Variants in DNMT3A observed in about 807,000 individuals in gnomAD.
DNMT3A encodes DNA methyltransferase 3 alpha, also known as DNA (cytosine-5)-methyltransferase 3A.
DNMT3A carries 267 observed loss-of-function variants against 117.6 expected under a neutral mutation model. The ratio of observed to expected loss-of-function variants is 2.27; its 90% confidence interval spans 2.05 to 2.51. The LOEUF is 2.51. DNMT3A is among the 30% of genes most tolerant of loss of function. The pLI is 0.00. For synonymous variants in DNMT3A, 432 were observed against 474.8 expected, an observed-to-expected ratio of 0.91 and a Z score of 1.17; for missense variants, 1,029 against 1,260.2, an observed-to-expected ratio of 0.82 and a Z score of 2.78.
intron 3 of DNMT3A, among the ~76,000 whole-genome samples, chr2:25,289,954 T>C (rs568813487): frequency 1.8e-4 from 28 of 152,242 alleles, no homozygotes; most frequent in African/African-American, 6.3e-4. Context: ...ACTCCCAATA[T>C]GGGGAGGTGA....
rs770079872 is a variant in DNMT3A at position 25,236,937 on chromosome 2, T to G, written c.2477A>C (p.Lys826Thr). ...GAGGTTCTAGACGCTGGAGCTGACC[T>G]TGGCTATCCTGCCATGCTCCAGACA... ...QECLEHGRIAKFSKVRTITTR... is the reference protein window; with the variant it reads ...QECLEHGRIATFSKVRTITTR... The change falls in exon 21 of 23, where the codon AAG (lysine) becomes ACG (threonine). Residue 826 changes from lysine (K) to threonine (T), a missense_variant and splice_region_variant. Lys to Thr is a moderately conservative substitution (Grantham distance 78). Coordinates refer to ENST00000321117, the MANE Select transcript of DNMT3A (RefSeq NM_022552.5). The surrounding 1 kb of genome is among the most constrained non-coding windows in gnomAD (Gnocchi z 4.5). 1 of 1,612,850 alleles carries G rather than the reference T, an allele frequency of 6.2e-7. No homozygotes were observed. Among genetic ancestry groups the G allele is most frequent in the Admixed American group, 1.7e-5 (1 of 59,846 alleles).
intron 6 of DNMT3A, among the ~76,000 whole-genome samples, chr2:25,270,881 G>A (rs1210266620): frequency 4.6e-5 from 7 of 152,318 alleles, no homozygotes; most frequent in South Asian, 4.1e-4. Flanking sequence ...AAAATTAGCC[G>A]GGTGTGGTGG....
intron 2 of DNMT3A, among the ~76,000 whole-genome samples, chr2:25,308,865 T>G (rs1573471634): frequency 6.6e-6 from 1 of 150,698 alleles, no homozygotes; most frequent in Non-Finnish European, 1.5e-5. Context: ...CAGACCAGAG[T>G]GGAGAGAGCC....
chr2:25,322,663 T>G (rs1573495613), intron 1 of DNMT3A, among the ~76,000 whole-genome samples: 2 of 112,550 alleles, frequency 1.8e-5, no homozygotes, highest in Admixed American at 9.9e-5. Flanking sequence ...CCGCCCCCAC[T>G]TCCTCACCAA....
At chr2:25,333,326 G>A (rs1047335008) in intron 1 of DNMT3A, among the ~76,000 whole-genome samples, 3 of 150,980 alleles carry the variant, frequency 2.0e-5, no homozygotes, top group South Asian at 2.1e-4. Context: ...ACACTTGCAG[G>A]TCTTTTTTTT....
intron 6 of DNMT3A, among the ~76,000 whole-genome samples, chr2:25,260,062 G>A (rs557000172): frequency 2.0e-5 from 3 of 152,246 alleles, no homozygotes; most frequent in Admixed American, 6.5e-5. Context: ...TCAATTACCC[G>A]GAGAGCTTGG....
At chr2:25,278,737 A>T (rs2031658545) in intron 4 of DNMT3A, among the ~76,000 whole-genome samples, 1 of 152,166 alleles carries the variant, frequency 6.6e-6, no homozygotes. Flanking sequence ...GAGGCAGGAG[A>T]ATCGCTTCAA....
In DNMT3A at chr2:25,246,235, G is replaced by A; in HGVS notation, c.1354C>T (p.Pro452Ser). Residue 452 changes from proline to serine, a missense_variant, in exon 11 of 23, where the codon CCA becomes TCA. Transcript: ENST00000321117. ...CTCTTCCGGGGCTTTTTGGCTGGTGGAGGTGGTGCGTAGGCAGCTGCCTCA... is the reference window on the plus strand; with the variant it reads ...CTCTTCCGGGGCTTTTTGGCTGGTGAAGGTGGTGCGTAGGCAGCTGCCTCA... ...EPEAAAYAPP[P>S]PAKKPRKSTA... 1 of 1,614,184 alleles carries A rather than the reference G, an allele frequency of 6.2e-7. No homozygotes were observed. The highest frequency in any genetic ancestry group is 8.5e-7 in the Non-Finnish European group (1 of 1,180,030).
rs1672951737 is a variant in DNMT3A at position 25,233,006 on chromosome 2, G to C, written c.*1273C>G. 1 of 233,184 alleles carries C rather than the reference G, an allele frequency of 4.3e-6. No homozygotes were observed. Among genetic ancestry groups the C allele is most frequent in the Admixed American group, 5.6e-5 (1 of 17,764 alleles). The allele number at this position is 233,184 out of a possible 1,614,324, so 14.4% of individuals were successfully genotyped here. On this transcript the variant is annotated 3_prime_UTR_variant, in exon 23 of 23. Transcript: ENST00000321117. The stretch of plus-strand genomic sequence containing the variant: ...TTTGTATGTTTTTTTATTTGCTCCA[G>C]GTGGGGTTTTGACTGTCACTTTCCC...
At position 25,314,027 on chromosome 2, in the gene DNMT3A, G is replaced by A. The variant is rs1420123831; in HGVS notation, c.-43C>T. 3.3e-6 allele frequency: 5 copies of A among 1,493,586 alleles called. No homozygotes were observed. Among genetic ancestry groups the A allele is most frequent in the South Asian group, 1.3e-5 (1 of 76,402 alleles). The allele number at this position is 1,493,586 out of a possible 1,614,324, so 92.5% of individuals were successfully genotyped here. A position where few individuals can be genotyped will look rare whatever the true frequency, so the allele number is the denominator to read the frequency against. On this transcript the variant is annotated 5_prime_UTR_variant, in exon 2 of 23. Transcript: ENST00000321117. ...GGCTGGGGCTGCGCGGGGCTGGGGGGCTGCTGGGCTTTGGGGAAGGAATTA... is the reference window on the plus strand; with the variant it reads ...GGCTGGGGCTGCGCGGGGCTGGGGGACTGCTGGGCTTTGGGGAAGGAATTA...
intron 6 of DNMT3A, among the ~76,000 whole-genome samples, chr2:25,250,535 C>T (rs1023632032): frequency 7.2e-5 from 11 of 152,202 alleles, no homozygotes; most frequent in African/African-American, 2.2e-4. Flanking sequence ...CAGAACTCTG[C>T]CCTCCCCTTC....
rs1372476995 is a variant in DNMT3A at position 25,298,940 on chromosome 2, C to G, written c.177+1199G>C. Among the ~76,000 whole-genome samples, 4 of 150,904 alleles carry G rather than the reference C, an allele frequency of 2.7e-5. 1 individual carries two copies. The highest frequency in any genetic ancestry group is 5.9e-5 in the Non-Finnish European group (4 of 67,604). On this transcript the variant is annotated intron_variant, in intron 3 of 22. Transcript: ENST00000321117. The surrounding 1 kb of genome is among the most constrained non-coding windows in gnomAD (Gnocchi z 4.3). Reference sequence around the variant, plus strand: ...CCCCCACCTCCAGGAACTCACCACCCCCCCCGCCTCTACTGTCCCATTTCA... The same window carrying G: ...CCCCCACCTCCAGGAACTCACCACCGCCCCCGCCTCTACTGTCCCATTTCA...
intron 6 of DNMT3A, among the ~76,000 whole-genome samples, chr2:25,262,201 A>C (rs997173004): frequency 6.6e-6 from 1 of 151,470 alleles, no homozygotes; most frequent in Admixed American, 6.6e-5. Flanking sequence ...AAAAAAAAAA[A>C]AAAAAAACCT....
chr2:25,340,713 GC>G (rs2035388060), intron 1 of DNMT3A, among the ~76,000 whole-genome samples: 2 of 151,998 alleles, frequency 1.3e-5, no homozygotes, highest in Non-Finnish European at 2.9e-5. Context: ...GTCTGCACCG[GC>G]CCGGCGGGGT....
intron 6 of DNMT3A, chr2:25,249,754 T>C: frequency 6.2e-7 from 1 of 1,612,824 alleles, no homozygotes; most frequent in Non-Finnish European, 8.5e-7. Context: ...CCTTGATACT[T>C]AGCTCTGAGA....
chr2:25,288,088 A>G (rs1331394212), intron 3 of DNMT3A, among the ~76,000 whole-genome samples: 1 of 149,996 alleles, frequency 6.7e-6, no homozygotes, highest in Non-Finnish European at 1.5e-5. Flanking sequence ...CACCCACCTC[A>G]GCCTCCCAAA....
chr2:25,341,610 T>A (rs2035459126), intron 1 of DNMT3A, among the ~76,000 whole-genome samples: 1 of 145,480 alleles, frequency 6.9e-6, no homozygotes. Context: ...CGCGGGGACA[T>A]AAACAAACCC....
chr2:25,334,278 G>A (rs1483444857), intron 1 of DNMT3A, among the ~76,000 whole-genome samples: 3 of 152,070 alleles, frequency 2.0e-5, no homozygotes, highest in Non-Finnish European at 4.4e-5. Context: ...ACTTGTATTT[G>A]CCCCCACCTC....
intron 2 of DNMT3A, among the ~76,000 whole-genome samples, chr2:25,303,884 G>A (rs1313039523): frequency 2.0e-5 from 3 of 152,254 alleles, no homozygotes; most frequent in African/African-American, 4.8e-5. Flanking sequence ...CCAAGGAAGC[G>A]TAGCAAGTGG....
Sources: allele counts gnomAD v4.1 joint callset (sites outside exome capture counted in the v4.1 genomes callset), GRCh38; gene constraint gnomAD v4.1.1; non-coding constraint Gnocchi (gnomAD v3.1); transcripts MANE v1.5; gene names NCBI Gene and HGNC (gene_info 2026-07-23, HGNC 2026-07-21).